Variants in DMRT2 observed in about 807,000 individuals in gnomAD.
The protein encoded by DMRT2 is doublesex and mab-3 related transcription factor 2.
A neutral mutation model predicts 43.5 loss-of-function variants in DMRT2; 33 were observed. The observed-to-expected ratio is 0.76, with a 90% CI of 0.58 to 1.01. The LOEUF is 1.01. Among genes scored for constraint, DMRT2 ranks in the 50% least tolerant of loss-of-function variants. The pLI is 0.00. For missense variants in DMRT2, 1,064 were observed against 748.0 expected, an observed-to-expected ratio of 1.42 and a Z score of -4.93; for synonymous variants, 395 against 309.2, an observed-to-expected ratio of 1.28 and a Z score of -2.91.
rs763627503 is a variant in DMRT2, at chr9:1,051,632, G to C, written c.19G>C (p.Gly7Arg). The stretch of plus-strand genomic sequence containing the variant: ...GAGCGCCATGGCCGACCCGCAGGCT[G>C]GCTCCGCGGCCGGGGACTGGGAGAT... The part of the protein sequence containing the change: MADPQA[G>R]SAAGDWEIDV... Residue 7 changes from glycine (G) to arginine (R), a missense_variant, in exon 2 of 4, where the codon GGC (glycine) becomes CGC (arginine). Transcript: ENST00000358146. The surrounding 1 kb of genome is among the most constrained non-coding windows in gnomAD (Gnocchi z 5.9). The C allele has an allele frequency of 1.3e-6, 2 of 1,562,652 alleles. No individual in the cohort carries two copies. The highest frequency in any genetic ancestry group is 1.7e-6 in the Non-Finnish European group (2 of 1,163,758).
chr9:1,052,151 C>G lies in DMRT2; in HGVS notation c.525+13C>G. On this transcript the variant is annotated intron_variant, in intron 2 of 3. Transcript: ENST00000358146. Reference sequence around the variant, plus strand: ...GCAGGCCACCGAGGTGCGTACCCGCCCGGCCCGGGCGTCTCAGGCCACAGT... The same window carrying G: ...GCAGGCCACCGAGGTGCGTACCCGCGCGGCCCGGGCGTCTCAGGCCACAGT... 7.3e-7 allele frequency: 1 copy of G among 1,368,766 alleles called. No individual in the cohort carries two copies. The highest frequency in any genetic ancestry group is 9.4e-7 in the Non-Finnish European group (1 of 1,066,850). The allele number at this position is 1,368,766 out of a possible 1,614,324, so 84.8% of individuals were successfully genotyped here. A position where few individuals can be genotyped will look rare whatever the true frequency, so the allele number is the denominator to read the frequency against.
At chr9:1,055,715 T>A in intron 3 of DMRT2, 1 of 1,490,996 alleles carries the variant, frequency 6.7e-7, no homozygotes, top group Non-Finnish European at 9.0e-7. Context: ...TTTCTCTTTT[T>A]TCCTAGTTCT....
In DMRT2 at chr9:1,051,511, C is replaced by T; in HGVS notation, c.-44-59C>T. ...CAGACCAGGAGCTTTGGGCCGGAGG[C>T]TCAGGGATGGTCCCTGACGGCGGCC... On this transcript the variant is annotated intron_variant, in intron 1 of 3. Transcript: ENST00000358146. This position sits in a 1 kb window ranked among gnomAD's most constrained non-coding sequence, Gnocchi z 5.9. 3 of 1,411,836 alleles carry T rather than the reference C, an allele frequency of 2.1e-6. No homozygotes were observed. The highest frequency in any genetic ancestry group is 1.8e-6 in the Non-Finnish European group (2 of 1,092,502). 87.5% of individuals were successfully genotyped at this position (1,411,836 alleles called of 1,614,324 possible). A position where few individuals can be genotyped will look rare whatever the true frequency, so the allele number is the denominator to read the frequency against.
chr9:1,056,026 A>G, intron 3 of DMRT2, 190 bp from the exon 4 acceptor site: 4 of 1,422,314 alleles, frequency 2.8e-6, no homozygotes, highest in Non-Finnish European at 3.6e-6. Flanking sequence ...TGCAGTATGG[A>G]TATCTTTCAC....
chr9:1,053,870 G>A (rs1484845607), intron 3 of DMRT2, 46 bp downstream of exon 3: 1 of 1,470,624 alleles, frequency 6.8e-7, no homozygotes, highest in South Asian at 1.1e-5. Flanking sequence ...AGAGTTGAGT[G>A]ACTCTCATTA....
chr9:1,052,546 G>T (rs1821673650), intron 2 of DMRT2, among the ~76,000 whole-genome samples: 1 of 152,086 alleles, frequency 6.6e-6, no homozygotes. Context: ...GGTGATGATG[G>T]AGAAAAAGAA....
intron 3 of DMRT2, among the ~76,000 whole-genome samples, chr9:1,055,289 G>T (rs1234914988): frequency 6.6e-6 from 1 of 152,186 alleles, no homozygotes; most frequent in Non-Finnish European, 1.5e-5. Flanking sequence ...ATATGACAGA[G>T]GTGAGTGCTT....
In DMRT2 at chr9:1,052,135, C is replaced by CGAG. The variant is rs928176686; in HGVS notation, c.524_525+1dup. Reference sequence around the variant, plus strand: ...TGGCGCTCCGGAGGCAGCAGGCCACCGAGGTGCGTACCCGCCCGGCCCGGG... The same window carrying CGAG: ...TGGCGCTCCGGAGGCAGCAGGCCACCGAGGAGGTGCGTACCCGCCCGGCCCGGG... On this transcript the variant is annotated inframe_insertion, in exon 2 of 4. Transcript: ENST00000358146. 3 of 1,395,884 alleles carry CGAG rather than the reference C, an allele frequency of 2.1e-6. No individual in the cohort carries two copies. In the African/African-American group the frequency reaches 4.5e-5, roughly 21 times the overall value. 86.5% of individuals were successfully genotyped at this position (1,395,884 alleles called of 1,614,324 possible).
Position 1,053,791 on chromosome 9 carries a change from G to T in DMRT2, c.595G>T (p.Ala199Ser). ...RKAVYQRQVR[A>S]PSLLAKSILE... ...AGCTGTGTACCAGAGGCAAGTCAGA[G>T]CCCCCAGTTTGCTGGCCAAAAGCAT... is the stretch of plus-strand genomic sequence containing the variant. The change falls in exon 3 of 4, where the codon GCC (alanine) becomes TCC (serine). Residue 199 changes from alanine to serine, a missense_variant. By Grantham distance (99) the Ala-to-Ser change is moderately conservative (BLOSUM62 1). Transcript: ENST00000358146. The T allele has an allele frequency of 6.2e-7, 1 of 1,614,144 alleles. No individual in the cohort carries two copies. Among genetic ancestry groups the T allele is most frequent in the East Asian group, 2.2e-5 (1 of 44,884 alleles).
intron 3 of DMRT2, 113 bp from the exon 4 acceptor site, chr9:1,056,103 G>A (rs527977472): frequency 1.0e-3 from 1,568 of 1,503,130 alleles, no homozygotes; most frequent in Non-Finnish European, 1.3e-3. Context: ...CAGTGAGATG[G>A]AACTGTAAAT....
chr9:1,055,176 T>C (rs1821887931), intron 3 of DMRT2, among the ~76,000 whole-genome samples: 1 of 152,246 alleles, frequency 6.6e-6, no homozygotes. Flanking sequence ...AAACTTATCA[T>C]AGAAATGTAA....
chr9:1,053,970 G>C (rs954745784), intron 3 of DMRT2, 146 bp downstream of exon 3: 2 of 619,332 alleles, frequency 3.2e-6, no homozygotes, highest in Non-Finnish European at 5.3e-6. Flanking sequence ...GGTGTTCGCT[G>C]AGCCCGTACG....
chr9:1,052,088 C>T lies in DMRT2; in HGVS notation c.475C>T (p.Gln159Ter), dbSNP rs1460395672. ...CANCLLVVER[Q>*]RVMAAQVALR... is the part of the protein sequence containing the mutation. ...CAACTGCCTGCTGGTGGTGGAGCGG[C>T]AGCGCGTCATGGCCGCCCAGGTGGC... Residue 159 changes from glutamine (Q) to a stop codon, truncating the protein, a stop_gained, in exon 2 of 4, where the codon CAG becomes TAG. Coordinates refer to ENST00000358146, the MANE Select transcript of DMRT2 (RefSeq NM_181872.6). LOFTEE classifies it high-confidence loss of function. The T allele has an allele frequency of 2.1e-6, 3 of 1,453,496 alleles. No individual in the cohort carries two copies. Among genetic ancestry groups the T allele is most frequent in the Non-Finnish European group, 2.7e-6 (3 of 1,109,108 alleles). 90.0% of individuals were successfully genotyped at this position (1,453,496 alleles called of 1,614,324 possible).
chr9:1,054,599 G>C (rs1050890960), intron 3 of DMRT2: 11 of 152,000 alleles, frequency 7.2e-5, no homozygotes, highest in African/African-American at 2.7e-4. Flanking sequence ...GAAAGCCTGG[G>C]GGTACATTAA....
chr9:1,053,389 C>G (rs530734340), intron 2 of DMRT2, among the ~76,000 whole-genome samples: 1 of 152,312 alleles, frequency 6.6e-6, no homozygotes, highest in African/African-American at 2.4e-5. Context: ...GTCGGGTGCC[C>G]CCCTGAAAGG....
intron 3 of DMRT2, among the ~76,000 whole-genome samples, chr9:1,054,190 A>G (rs1821810993): frequency 6.6e-6 from 1 of 152,210 alleles, no homozygotes. Context: ...CGTATGAGGG[A>G]TGTACAAAGA....
In DMRT2 at chr9:1,057,028, G is replaced by C; in HGVS notation, c.1441G>C (p.Asp481His). The C allele has an allele frequency of 2.5e-6, 4 of 1,614,158 alleles. No individual in the cohort carries two copies. Among genetic ancestry groups the C allele is most frequent in the Non-Finnish European group, 3.4e-6 (4 of 1,180,034 alleles). ...FHSLFQQTLT[D>H]KSGPELKTPF... ...CTCATTATTCCAGCAAACACTTACT[G>C]ACAAATCGGGTCCTGAGTTGAAAAC... Residue 481 changes from aspartate to histidine, a missense_variant, in exon 4 of 4, where the codon GAC (aspartate) becomes CAC (histidine). Asp to His is a moderately conservative substitution (Grantham distance 81, BLOSUM62 -1). Transcript: ENST00000358146.
intron 3 of DMRT2, among the ~76,000 whole-genome samples, chr9:1,055,343 C>T (rs1447971439): frequency 6.6e-6 from 1 of 152,094 alleles, no homozygotes; most frequent in African/African-American, 2.4e-5. Flanking sequence ...TCCAGGAATT[C>T]TATTTATGTT....
intron 3 of DMRT2, chr9:1,056,005 CAAG>C (rs1194607413): frequency 1.2e-5 from 17 of 1,413,544 alleles, no homozygotes; most frequent in East Asian, 5.2e-5. Flanking sequence ...AGAACAACAA[CAAG>C]AAGAAGTTGC....
Sources: gnomAD v4.1 joint callset for allele counts (sites outside exome capture counted in the v4.1 genomes callset) on GRCh38, gnomAD v4.1.1 for gene constraint, Gnocchi (gnomAD v3.1) non-coding constraint, MANE v1.5 for transcripts, NCBI Gene and HGNC (gene_info 2026-07-23, HGNC 2026-07-21) for gene names.